The following NF1 variants were observed in gnomAD, a reference collection of about 807,000 sequenced individuals.
NF1 encodes neurofibromin 1, also known as neurofibromin.
Under a neutral mutation model 325.7 loss-of-function variants are expected in NF1, and 122 were observed. That is an observed-to-expected ratio of 0.37 (90% CI 0.32 to 0.44). The LOEUF (loss-of-function observed/expected upper bound fraction) is 0.44, where lower values mean the gene tolerates loss of function less well. Ranked by LOEUF, NF1 falls within the 20% of genes least tolerant of loss-of-function variation. The probability of loss-of-function intolerance (pLI) is 1.00; values close to 1 mark genes in which losing one functional copy is unlikely to be tolerated. For synonymous variants in NF1, 1,091 were observed against 1,186.0 expected, an observed-to-expected ratio of 0.92 and a Z score of 1.65; for missense variants, 2,140 against 3,415.4, an observed-to-expected ratio of 0.63 and a Z score of 9.31.
chr17:31,307,928 T>C, intron 36 of NF1: 2 of 1,288,930 alleles, frequency 1.6e-6, no homozygotes, highest in South Asian at 1.2e-5. Flanking sequence ...CTTACTCCTC[T>C]ACCACTTGGT....
chr17:31,307,852 C>T (rs2068764980), intron 36 of NF1: 1 of 1,273,782 alleles, frequency 7.9e-7, no homozygotes, highest in African/African-American at 1.5e-5. Context: ...ATTTGATGTT[C>T]TGTTGGAAGG....
chr17:31,302,613 A>G (rs779697176), intron 36 of NF1, among the ~76,000 whole-genome samples: 6 of 152,060 alleles, frequency 3.9e-5, no homozygotes, highest in Non-Finnish European at 7.4e-5. Flanking sequence ...AGGCCGAGGC[A>G]GGTGGATCAT....
At chr17:31,179,793 A>T (rs939859707) in intron 5 of NF1, among the ~76,000 whole-genome samples, 4 of 152,176 alleles carry the variant, frequency 2.6e-5, no homozygotes, top group Non-Finnish European at 2.9e-5. Flanking sequence ...AAAAAAAAAA[A>T]AAATCAATGA....
At chr17:31,181,827 A>G in intron 7 of NF1, 42 bp downstream of exon 7, 1 of 1,305,610 alleles carries the variant, frequency 7.7e-7, no homozygotes, top group Non-Finnish European at 1.1e-6. Context: ...TGTCTTTTAA[A>G]TGCCTACTTG....
At chr17:31,319,544 A>G (rs533678093) in intron 36 of NF1, among the ~76,000 whole-genome samples, 9 of 152,192 alleles carry the variant, frequency 5.9e-5, no homozygotes, top group Admixed American at 2.6e-4. Context: ...AAGAAACTGA[A>G]CTTCAAATAG....
intron 8 of NF1, among the ~76,000 whole-genome samples, chr17:31,194,158 T>A (rs1382572693): frequency 1.3e-5 from 2 of 152,114 alleles, no homozygotes; most frequent in African/African-American, 4.8e-5. Context: ...AACAGATGAA[T>A]GCGTAAAGAA....
chr17:31,193,179 C>G (rs2066377111), intron 8 of NF1, among the ~76,000 whole-genome samples: 1 of 152,058 alleles, frequency 6.6e-6, no homozygotes, highest in African/African-American at 2.4e-5. Context: ...GTGAGAAATG[C>G]CAGTTCTTAG....
At chr17:31,286,653 G>A (rs1168639822) in intron 36 of NF1, among the ~76,000 whole-genome samples, 1 of 152,144 alleles carries the variant, frequency 6.6e-6, no homozygotes, top group Non-Finnish European at 1.5e-5. Flanking sequence ...TTGGTATAAG[G>A]AATACAGATG....
chr17:31,327,869 A>G (rs2151542090), intron 38 of NF1, 30 bp downstream of exon 38: 1 of 1,593,022 alleles, frequency 6.3e-7, no homozygotes, highest in Non-Finnish European at 8.6e-7. Context: ...CTTCAGTTTG[A>G]TTTGGGGTTT....
At chr17:31,172,887 A>T (rs1003947999) in intron 5 of NF1, among the ~76,000 whole-genome samples, 1 of 152,116 alleles carries the variant, frequency 6.6e-6, no homozygotes, top group Non-Finnish European at 1.5e-5. Context: ...AACTTCTGGG[A>T]CTTGGTTATG....
At chr17:31,273,787 G>T (rs1028729901) in intron 36 of NF1, among the ~76,000 whole-genome samples, 1 of 152,164 alleles carries the variant, frequency 6.6e-6, no homozygotes, top group African/African-American at 2.4e-5. Context: ...AGAGATTAAA[G>T]AATTCAAATA....
At chr17:31,335,600 C>T (rs2069646307) in intron 40 of NF1, among the ~76,000 whole-genome samples, 1 of 151,898 alleles carries the variant, frequency 6.6e-6, no homozygotes, top group African/African-American at 2.4e-5. Flanking sequence ...CACTGCTGCT[C>T]CTCCTCCAAA....
intron 4 of NF1, among the ~76,000 whole-genome samples, chr17:31,167,144 A>G (rs1292846981): frequency 6.6e-6 from 1 of 151,846 alleles, no homozygotes; most frequent in Non-Finnish European, 1.5e-5. Flanking sequence ...CATTTTTCAC[A>G]AACAACCACA....
intron 36 of NF1, chr17:31,313,842 C>A (rs1015366484): frequency 1.8e-5 from 6 of 342,826 alleles, no homozygotes; most frequent in Non-Finnish European, 2.6e-5. Context: ...TTTTTTAATT[C>A]TATGCAACAA....
intron 36 of NF1, among the ~76,000 whole-genome samples, chr17:31,320,136 A>G (rs1332832878): frequency 6.6e-6 from 1 of 152,168 alleles, no homozygotes; most frequent in Non-Finnish European, 1.5e-5. Flanking sequence ...GGAAAGATTT[A>G]TAATCATTAT....
chr17:31,149,426 G>A (rs1482913286), intron 1 of NF1, among the ~76,000 whole-genome samples: 1 of 152,026 alleles, frequency 6.6e-6, no homozygotes, highest in African/African-American at 2.4e-5. Flanking sequence ...AGCCTCCCAA[G>A]TAGCTGGGAT....
intron 1 of NF1, among the ~76,000 whole-genome samples, chr17:31,136,100 C>T (rs905314577): frequency 5.3e-5 from 8 of 151,950 alleles, no homozygotes; most frequent in African/African-American, 1.4e-4. Context: ...GAGGCCGAGG[C>T]GGGCGGATCA....
intron 29 of NF1, among the ~76,000 whole-genome samples, chr17:31,236,563 C>T (rs570536839): frequency 2.0e-5 from 3 of 152,126 alleles, no homozygotes; most frequent in Admixed American, 2.0e-4. Flanking sequence ...CCTCAGCCTC[C>T]TGAGTAGCTG....
Position 31,338,024 on chromosome 17 carries a change from G to A in NF1, c.6705-1G>A, listed in dbSNP as rs1060500356. ...AAGTTCTGTGGATCTTTTAATTGCA[G>A]ATTTGCATTCCAATATAATCCATCC... is the stretch of plus-strand genomic sequence containing the variant. On this transcript the variant is annotated splice_acceptor_variant, in intron 44 of 57. Coordinates refer to ENST00000358273, the MANE Select transcript of NF1 (RefSeq NM_001042492.3). LOFTEE classifies it high-confidence loss of function. 6.2e-7 allele frequency: 1 copy of A among 1,611,672 alleles called. No homozygotes were observed. The highest frequency in any genetic ancestry group is 8.5e-7 in the Non-Finnish European group (1 of 1,177,880).
Sources: gnomAD v4.1 joint callset for allele counts (sites outside exome capture counted in the v4.1 genomes callset) on GRCh38, gnomAD v4.1.1 for gene constraint, MANE v1.5 for transcripts, NCBI Gene and HGNC (gene_info 2026-07-23, HGNC 2026-07-21) for gene names.